The following GCNT2 variants were observed in gnomAD, a reference collection of about 807,000 sequenced individuals.
GCNT2 encodes the protein glucosaminyl (N-acetyl) transferase 2 (I blood group).
In GCNT2, 34 loss-of-function variants were observed where a neutral mutation model predicts 34.2. That is an observed-to-expected ratio of 1.00 (90% CI 0.76 to 1.32). GCNT2 has a LOEUF of 1.32. Ranked by LOEUF, GCNT2 falls within the 40% of genes most tolerant of loss-of-function variation. The pLI, the probability that GCNT2 is intolerant of heterozygous loss-of-function variation, is 0.00. For missense variants in GCNT2, 584 were observed against 489.4 expected (o/e 1.19, Z -1.82); for synonymous variants, 212 against 188.0 (o/e 1.13, Z -1.04).
chr6:10,528,592 G>A, intron 2 of GCNT2, 39 bp from the exon 3 acceptor site: 2 of 404,140 alleles, frequency 4.9e-6, no homozygotes, highest in Non-Finnish European at 9.2e-6. Flanking sequence ...TGGACCCCCT[G>A]GAATCAGAAC....
chr6:10,613,656 T>A (rs1220007085), intron 3 of GCNT2, among the ~76,000 whole-genome samples: 2 of 152,222 alleles, frequency 1.3e-5, no homozygotes, highest in Non-Finnish European at 2.9e-5. Context: ...CAACATAAAA[T>A]TAACAAGTGC....
chr6:10,528,304 A>ATCATT, intron 2 of GCNT2: 1 of 157,430 alleles, frequency 6.4e-6, no homozygotes, highest in East Asian at 1.9e-4. Flanking sequence ...GTGGCTGTGG[A>ATCATT]AAAAGACAGG....
chr6:10,561,037 G>A (rs111574570), intron 3 of GCNT2, among the ~76,000 whole-genome samples: 3,771 of 152,302 alleles, frequency 0.025, 134 homozygotes, highest in African/African-American at 0.078. Flanking sequence ...TGTGACAGCC[G>A]TAACTTCTGA....
intron 3 of GCNT2, among the ~76,000 whole-genome samples, chr6:10,599,911 G>A (rs1161032261): frequency 6.6e-6 from 1 of 152,178 alleles, no homozygotes; most frequent in African/African-American, 2.4e-5. Flanking sequence ...TATGAAAGAA[G>A]CAGAAACTCA....
At chr6:10,566,301 T>TA in intron 3 of GCNT2, among the ~76,000 whole-genome samples, 1 of 152,210 alleles carries the variant, frequency 6.6e-6, no homozygotes, top group East Asian at 1.9e-4. Context: ...TTTTAATCTT[T>TA]AAAAAAATTT....
chr6:10,537,136 A>G (rs917550306), intron 3 of GCNT2, among the ~76,000 whole-genome samples: 3 of 152,190 alleles, frequency 2.0e-5, no homozygotes, highest in Non-Finnish European at 2.9e-5. Context: ...CATTTTTTAA[A>G]TAGGTAGATT....
rs368030291 is a variant in GCNT2 at position 10,609,607 on chromosome 6, C to A, written c.926-11744C>A. Among the ~76,000 whole-genome samples, 42 of 152,298 alleles carry A rather than the reference C, an allele frequency of 2.8e-4. 1 individual carries two copies. Among genetic ancestry groups the A allele is most frequent in the African/African-American group, 9.9e-4 (41 of 41,566 alleles). On this transcript the variant is annotated intron_variant, in intron 3 of 4. Transcript: ENST00000495262. ...TGTGTTGTGGTCAGCATTTTGGGAT[C>A]TTCCTGGCCGGAATGTGATCTATAG... is the stretch of plus-strand genomic sequence containing the variant.
intron 3 of GCNT2, among the ~76,000 whole-genome samples, chr6:10,597,423 G>T (rs912505655): frequency 3.3e-5 from 5 of 151,948 alleles, no homozygotes; most frequent in Non-Finnish European, 5.9e-5. Flanking sequence ...CCAGAGTGCT[G>T]GGATTATAGG....
chr6:10,565,991 C>G (rs1303535477), intron 3 of GCNT2, among the ~76,000 whole-genome samples: 1 of 152,148 alleles, frequency 6.6e-6, no homozygotes, highest in African/African-American at 2.4e-5. Context: ...GCACCTTCAC[C>G]AAACACAGAG....
chr6:10,607,909 G>C (rs73721320), intron 3 of GCNT2, among the ~76,000 whole-genome samples: 1 of 151,898 alleles, frequency 6.6e-6, no homozygotes. Context: ...TAACCTGTCA[G>C]TGGTCTCACA....
chr6:10,535,957 G>A (rs146580345), intron 3 of GCNT2, among the ~76,000 whole-genome samples: 5 of 152,288 alleles, frequency 3.3e-5, no homozygotes, highest in African/African-American at 9.6e-5. Context: ...CTAAATGTGG[G>A]TGGCTCATTG....
intron 3 of GCNT2, among the ~76,000 whole-genome samples, chr6:10,613,959 G>A (rs1436791411): frequency 2.0e-5 from 3 of 152,136 alleles, no homozygotes; most frequent in Non-Finnish European, 4.4e-5. Flanking sequence ...CTGGCAGCAG[G>A]CAGGAAACAG....
intron 4 of GCNT2, among the ~76,000 whole-genome samples, chr6:10,625,550 T>C (rs1766223665): frequency 6.6e-6 from 1 of 152,070 alleles, no homozygotes; most frequent in Non-Finnish European, 1.5e-5. Context: ...ATTGACGTGT[T>C]ACATCACTGA....
intron 3 of GCNT2, chr6:10,573,321 C>T: frequency 2.0e-6 from 2 of 976,858 alleles, no homozygotes; most frequent in Non-Finnish European, 1.2e-6. Flanking sequence ...AGAATATAGT[C>T]AAAGATAAAG....
intron 3 of GCNT2, among the ~76,000 whole-genome samples, chr6:10,542,997 TC>T (rs1762106800): frequency 7.2e-6 from 1 of 138,508 alleles, no homozygotes; most frequent in Non-Finnish European, 1.5e-5. Flanking sequence ...AACCTCCACC[TC>T]CCGGGTTCAA....
chr6:10,531,718 T>C (rs547227895), intron 3 of GCNT2, among the ~76,000 whole-genome samples: 28 of 152,222 alleles, frequency 1.8e-4, no homozygotes, highest in African/African-American at 6.3e-4. Context: ...AATAGAATTG[T>C]AGTGTCCAGA....
At chr6:10,595,903 C>T (rs2127422667) in intron 3 of GCNT2, among the ~76,000 whole-genome samples, 1 of 152,268 alleles carries the variant, frequency 6.6e-6, no homozygotes, top group South Asian at 2.1e-4. Context: ...CCAGTTTCGA[C>T]AATCATCAAC....
At chr6:10,625,814 A>T (rs148524687) in intron 4 of GCNT2, among the ~76,000 whole-genome samples, 43 of 152,318 alleles carry the variant, frequency 2.8e-4, no homozygotes, top group African/African-American at 9.4e-4. Flanking sequence ...TTCCCTGTAC[A>T]TGCATATCTA....
chr6:10,574,554 G>C (rs1256761720), intron 3 of GCNT2, among the ~76,000 whole-genome samples: 1 of 152,092 alleles, frequency 6.6e-6, no homozygotes. Context: ...AGAAATTATA[G>C]GTGATTGTAA....
Sources: gnomAD v4.1 joint callset for allele counts (sites outside exome capture counted in the v4.1 genomes callset) on GRCh38, gnomAD v4.1.1 for gene constraint, MANE v1.5 for transcripts, NCBI Gene and HGNC (gene_info 2026-07-23, HGNC 2026-07-21) for gene names.